CDHR1: variants seen among roughly 807,000 people sequenced by gnomAD.
The protein encoded by CDHR1 is cadherin related family member 1.
In CDHR1, 61 loss-of-function variants were observed where a neutral mutation model predicts 72.1. The ratio of observed to expected loss-of-function variants is 0.85; its 90% CI spans 0.69 to 1.05. The LOEUF is 1.05. Among genes scored for constraint, CDHR1 ranks in the 50% least tolerant of loss-of-function variants. The pLI is 0.00. For missense variants in CDHR1, 1,186 were observed against 1,115.7 expected (o/e 1.06, Z -0.90); for synonymous variants, 470 against 448.1 (o/e 1.05, Z -0.62).
In CDHR1 at chr10:84,217,390, C is replaced by T. The variant is rs1296456159; in HGVS notation, c.*2769C>T. ...AATACTCTGCAGAGTCATTTTCCTC[C>T]TGCGGCTGAGCTCAGATCTTCCAAT... On this transcript the variant is annotated 3_prime_UTR_variant, in exon 17 of 17. Coordinates refer to ENST00000623527, the MANE Select transcript of CDHR1 (RefSeq NM_033100.4). 9 of 985,464 alleles carry T rather than the reference C, an allele frequency of 9.1e-6. No individual in the cohort carries two copies. Among genetic ancestry groups the T allele is most frequent in the Non-Finnish European group, 1.1e-5 (9 of 829,940 alleles). 61.0% of individuals were successfully genotyped at this position (985,464 alleles called of 1,614,324 possible).
rs963284975 is a variant in CDHR1 at position 84,217,229 on chromosome 10, G to C, written c.*2608G>C. 1.0e-6 allele frequency: 1 copy of C among 985,408 alleles called. No individual in the cohort carries two copies. The highest frequency in any genetic ancestry group is 1.1e-4 in the East Asian group (1 of 8,824). The allele number at this position is 985,408 out of a possible 1,614,324, so 61.0% of individuals were successfully genotyped here. Reference sequence around the variant, plus strand: ...CTGCTAGGTCCCAGTAGGACAGGCAGAGCTCCAGGCTGGCACCATGGTAGG... The same window carrying C: ...CTGCTAGGTCCCAGTAGGACAGGCACAGCTCCAGGCTGGCACCATGGTAGG... On this transcript the variant is annotated 3_prime_UTR_variant, in exon 17 of 17. Coordinates refer to ENST00000623527, the MANE Select transcript of CDHR1 (RefSeq NM_033100.4).
intron 7 of CDHR1, among the ~76,000 whole-genome samples, 171 bp from the exon 8 acceptor site, chr10:84,202,809 A>T (rs955857685): frequency 3.3e-5 from 5 of 152,256 alleles, no homozygotes; most frequent in Non-Finnish European, 4.4e-5. Flanking sequence ...AACATTCCCA[A>T]CACTCCTGTG....
intron 10 of CDHR1, among the ~76,000 whole-genome samples, chr10:84,207,340 C>T (rs74145750): frequency 0.065 from 9,947 of 152,036 alleles, 332 homozygotes; most frequent in Middle Eastern, 0.13. Flanking sequence ...AGTCACATTG[C>T]TGTGGGAATA....
intron 2 of CDHR1, among the ~76,000 whole-genome samples, chr10:84,195,967 G>A (rs147762009): frequency 1.3e-5 from 2 of 152,346 alleles, no homozygotes; most frequent in South Asian, 2.1e-4. Flanking sequence ...GGAGAAAGGG[G>A]AGATTTCACA....
rs764135496 is a variant in CDHR1, at chr10:84,213,020, G to A, written c.1783-71G>A. The A allele has an allele frequency of 3.6e-5, 57 of 1,589,536 alleles. No homozygotes were observed. The East Asian group carries it at 8.0e-4, about 22-fold the overall frequency. On this transcript the variant is annotated intron_variant, in intron 15 of 16. Coordinates refer to ENST00000623527, the MANE Select transcript of CDHR1 (RefSeq NM_033100.4). ...ATCAACCCAGCAAGCCCCATATGAC[G>A]TGCTGATTTAGCCAGAGTACACAAG...
At chr10:84,218,943 G>A (rs898205063), downstream of CDHR1, 2 of 545,448 alleles carry the variant, frequency 3.7e-6, no homozygotes, top group Non-Finnish European at 6.0e-6. Flanking sequence ...TATGTGCCAG[G>A]TATTGTTCTG....
In CDHR1 at chr10:84,197,841, G is replaced by C. The variant is rs1412093692; in HGVS notation, c.348+5G>C. The C allele has an allele frequency of 4.3e-6, 7 of 1,613,390 alleles. No homozygotes were observed. The highest frequency in any genetic ancestry group is 5.9e-6 in the Non-Finnish European group (7 of 1,179,544). Reference sequence around the variant, plus strand: ...ATTTCTGATGGCCTGAATCTGGTGAGTGCACGTCCAAGGCAGTCCCTGGCA... The same window carrying C: ...ATTTCTGATGGCCTGAATCTGGTGACTGCACGTCCAAGGCAGTCCCTGGCA... On this transcript the variant is annotated splice_donor_5th_base_variant and intron_variant, in intron 4 of 16. Coordinates refer to ENST00000623527, the MANE Select transcript of CDHR1 (RefSeq NM_033100.4).
chr10:84,215,534 C>T lies in CDHR1; in HGVS notation c.*913C>T, dbSNP rs915897383. 5.7e-5 allele frequency: 53 copies of T among 928,584 alleles called. No individual in the cohort carries two copies. The highest frequency in any genetic ancestry group is 3.5e-4 in the East Asian group (3 of 8,532). 57.5% of individuals were successfully genotyped at this position (928,584 alleles called of 1,614,324 possible). Reference sequence around the variant, plus strand: ...CAGCTCTTTTGCTCACATCGCGTAACCTTGGGAAAGCTGTTTAAAGTCGCT... The same window carrying T: ...CAGCTCTTTTGCTCACATCGCGTAATCTTGGGAAAGCTGTTTAAAGTCGCT... On this transcript the variant is annotated 3_prime_UTR_variant, in exon 17 of 17. Coordinates refer to ENST00000623527, the MANE Select transcript of CDHR1 (RefSeq NM_033100.4).
At position 84,218,091 on chromosome 10, in the gene CDHR1, GCACAT is replaced by G; in HGVS notation, c.*3472_*3476del. 2 of 985,476 alleles carry G rather than the reference GCACAT, an allele frequency of 2.0e-6. No individual in the cohort carries two copies. Among genetic ancestry groups the G allele is most frequent in the Non-Finnish European group, 2.4e-6 (2 of 829,952 alleles). 61.0% of individuals were successfully genotyped at this position (985,476 alleles called of 1,614,324 possible). On this transcript the variant is annotated 3_prime_UTR_variant, in exon 17 of 17. Transcript: ENST00000623527. ...TGTTGGCATCTGTTGACAGGCAGTG[GCACAT>G]CCTGACAGTCTTCAAGGCCTTGGCC...
Position 84,195,592 on chromosome 10 carries a change from G to A in CDHR1, c.151+3G>A. 1 of 1,612,600 alleles carries A rather than the reference G, an allele frequency of 6.2e-7. No homozygotes were observed. Among genetic ancestry groups the A allele is most frequent in the Non-Finnish European group, 8.5e-7 (1 of 1,178,736 alleles). The stretch of plus-strand genomic sequence containing the variant: ...CCTCCCAGAGGACACCCCTGTAGGT[G>A]AGTAGCCCTGGCACCTGCTCCCGAT... On this transcript the variant is annotated splice_donor_region_variant and intron_variant, in intron 2 of 16. Transcript: ENST00000623527.
chr10:84,214,076 T>C lies in CDHR1; in HGVS notation c.2041-6T>C, dbSNP rs1242252406. 2 of 1,614,178 alleles carry C rather than the reference T, an allele frequency of 1.2e-6. No homozygotes were observed. Among genetic ancestry groups the C allele is most frequent in the African/African-American group, 2.7e-5 (2 of 75,062 alleles). ...GCTGAGTGCAGGGAGTGGCTTTCTCTTTCAGACCCTCTCCCGGAGCCCCAT... is the reference window on the plus strand; with the variant it reads ...GCTGAGTGCAGGGAGTGGCTTTCTCCTTCAGACCCTCTCCCGGAGCCCCAT... On this transcript the variant is annotated splice_region_variant and splice_polypyrimidine_tract_variant and intron_variant, in intron 16 of 16. Coordinates refer to ENST00000623527, the MANE Select transcript of CDHR1 (RefSeq NM_033100.4).
In CDHR1 at chr10:84,214,158, C is replaced by A. The variant is rs1842386046; in HGVS notation, c.2117C>A (p.Ala706Asp). Residue 706 changes from alanine to aspartate, a missense_variant, in exon 17 of 17, where the codon GCC becomes GAC. Transcript: ENST00000623527. ...CCCATGAAGGCCGTGGGTGTGCTGG[C>A]CGGCACCATGGCCACCGTCGTGGCC... is the stretch of plus-strand genomic sequence containing the variant. ...DNPMKAVGVL[A>D]GTMATVVAIT... 3 of 1,614,020 alleles carry A rather than the reference C, an allele frequency of 1.9e-6. No individual in the cohort carries two copies. Among genetic ancestry groups the A allele is most frequent in the African/African-American group, 2.7e-5 (2 of 74,934 alleles).
In CDHR1 at chr10:84,218,001, C is replaced by T. The variant is rs567775285; in HGVS notation, c.*3380C>T. ...CCATGCTCTGCTTCTCTAAGGATTT[C>T]GGTGATTCTATTTTTAGGGACTGAA... On this transcript the variant is annotated 3_prime_UTR_variant, in exon 17 of 17. Coordinates refer to ENST00000623527, the MANE Select transcript of CDHR1 (RefSeq NM_033100.4). 5.2e-5 allele frequency: 51 copies of T among 985,456 alleles called. 1 individual carries two copies. In the Middle Eastern group the frequency reaches 2.1e-3, roughly 40 times the overall value. The allele number at this position is 985,456 out of a possible 1,614,324, so 61.0% of individuals were successfully genotyped here. A position where few individuals can be genotyped will look rare whatever the true frequency, so the allele number is the denominator to read the frequency against.
At position 84,196,593 on chromosome 10, in the gene CDHR1, C is replaced by A. The variant is rs11593005; in HGVS notation, c.240C>A (p.Val80=). The change falls in exon 3 of 17, where the codon GTC becomes GTA. Residue 80 remains valine (V), a synonymous_variant. Transcript: ENST00000623527. The part of the protein sequence containing the change: ...HISFDPSTRS[V]FSVDPTFGNI... ...GCTTTGACCCCAGCACTAGAAGCGT[C>A]TTTTCTGTTGACCCCACTTTTGGAA... is the stretch of plus-strand genomic sequence containing the variant. The A allele has an allele frequency of 6.2e-7, 1 of 1,614,250 alleles. No homozygotes were observed. Among genetic ancestry groups the A allele is most frequent in the Non-Finnish European group, 8.5e-7 (1 of 1,180,052 alleles).
intron 5 of CDHR1, among the ~76,000 whole-genome samples, chr10:84,199,644 C>G (rs1332145313): frequency 6.6e-6 from 1 of 152,184 alleles, no homozygotes; most frequent in Non-Finnish European, 1.5e-5. Context: ...TTAAGGTGCT[C>G]TAAATTTTGC....
intron 5 of CDHR1, among the ~76,000 whole-genome samples, chr10:84,200,335 G>C (rs1474469491): frequency 6.6e-6 from 1 of 152,074 alleles, no homozygotes; most frequent in Admixed American, 6.6e-5. Flanking sequence ...TATCTGTTTG[G>C]GGTCTTGGTT....
intron 5 of CDHR1, among the ~76,000 whole-genome samples, chr10:84,200,191 T>C (rs1267263291): frequency 1.3e-5 from 2 of 151,982 alleles, no homozygotes; most frequent in African/African-American, 2.4e-5. Context: ...AAAAAAAGTT[T>C]GCTAAGTCAC....
Position 84,217,310 on chromosome 10 carries a change from C to A in CDHR1, c.*2689C>A, listed in dbSNP as rs1174543846. ...GGCACACTGGGCAGGCTTGCCCATT[C>A]CTGGCCCTGAGAATGGAGCTGTAGC... is the stretch of plus-strand genomic sequence containing the variant. On this transcript the variant is annotated 3_prime_UTR_variant, in exon 17 of 17. Transcript: ENST00000623527. 1.0e-6 allele frequency: 1 copy of A among 985,364 alleles called. No homozygotes were observed. Among genetic ancestry groups the A allele is most frequent in the African/African-American group, 1.7e-5 (1 of 57,254 alleles). The allele number at this position is 985,364 out of a possible 1,614,324, so 61.0% of individuals were successfully genotyped here.
At chr10:84,204,489 A>G in intron 8 of CDHR1, 38 bp from the exon 9 acceptor site, 1 of 1,430,968 alleles carries the variant, frequency 7.0e-7, no homozygotes, top group East Asian at 2.3e-5. Context: ...GGGTCCCCAT[A>G]TTGCCCATCA....
Sources: gnomAD v4.1 joint callset for allele counts (sites outside exome capture counted in the v4.1 genomes callset) on GRCh38, gnomAD v4.1.1 for gene constraint, MANE v1.5 for transcripts, NCBI Gene and HGNC (gene_info 2026-07-23, HGNC 2026-07-21) for gene names.